WLS: variants seen among roughly 807,000 people sequenced by gnomAD.
The protein encoded by WLS is protein wntless homolog.
Under a neutral mutation model 62.8 loss-of-function variants are expected in WLS, and 23 were observed. The ratio of observed to expected loss-of-function variants is 0.37; its 90% CI spans 0.26 to 0.52. WLS has a LOEUF of 0.52. WLS is among the 20% of genes least tolerant of loss of function. WLS has a pLI of 0.92. For missense variants in WLS, 615 were observed against 697.3 expected (o/e 0.88, Z 1.33); for synonymous variants, 246 against 244.1 (o/e 1.01, Z -0.07).
intron 2 of WLS, 52 bp from the exon 3 acceptor site, chr1:68,159,299 A>T: frequency 6.3e-7 from 1 of 1,586,758 alleles, no homozygotes; most frequent in South Asian, 1.2e-5. Context: ...AAGATATTTT[A>T]GAAACAGCTC....
chr1:68,190,522 A>G (rs1648230117), intron 2 of WLS, among the ~76,000 whole-genome samples: 1 of 152,208 alleles, frequency 6.6e-6, no homozygotes, highest in African/African-American at 2.4e-5. Flanking sequence ...TTGGCTCACT[A>G]TCCCTGGGGG....
At chr1:68,198,167 A>G (rs1648781972) in intron 1 of WLS, among the ~76,000 whole-genome samples, 1 of 152,222 alleles carries the variant, frequency 6.6e-6, no homozygotes, top group African/African-American at 2.4e-5. Flanking sequence ...GCCAAAAACT[A>G]CTTCTACACC....
Position 68,153,064 on chromosome 1 carries a change from A to G in WLS, c.803+453T>C, listed in dbSNP as rs572075995. Among the ~76,000 whole-genome samples, 101 of 152,238 alleles carry G rather than the reference A, an allele frequency of 6.6e-4. 1 individual carries two copies. The highest frequency in any genetic ancestry group is 1.6e-3 in the Admixed American group (25 of 15,282). ...GAAGCTGAAGCGGGCAAATCACTTG[A>G]GCTCAGGATTTCGAGATCAGCCTGG... is the stretch of plus-strand genomic sequence containing the variant. On this transcript the variant is annotated intron_variant, in intron 5 of 11. Coordinates refer to ENST00000262348, the MANE Select transcript of WLS (RefSeq NM_024911.7).
chr1:68,198,914 G>A (rs1648833157), intron 1 of WLS, among the ~76,000 whole-genome samples: 1 of 152,178 alleles, frequency 6.6e-6, no homozygotes. Context: ...AATATTCATT[G>A]ACTCCAGTCA....
At chr1:68,184,755 T>C (rs1647809927) in intron 2 of WLS, among the ~76,000 whole-genome samples, 1 of 152,170 alleles carries the variant, frequency 6.6e-6, no homozygotes, top group Non-Finnish European at 1.5e-5. Context: ...AATCATAGAT[T>C]TCCACAGACA....
intron 1 of WLS, among the ~76,000 whole-genome samples, chr1:68,195,566 C>T (rs1648615919): frequency 6.6e-6 from 1 of 152,152 alleles, no homozygotes; most frequent in Non-Finnish European, 1.5e-5. Flanking sequence ...TCTCCTTCAT[C>T]AGTTTGTAAA....
Position 68,125,386 on chromosome 1 carries a change from T to G in WLS, c.*840A>C. On this transcript the variant is annotated 3_prime_UTR_variant, in exon 12 of 12. Transcript: ENST00000262348. ...GAGTTTTAGCAGGAGGGGATATGCA[T>G]GTACACATATGCATATACATACAGG... is the stretch of plus-strand genomic sequence containing the variant. 9 of 985,456 alleles carry G rather than the reference T, an allele frequency of 9.1e-6. No individual in the cohort carries two copies. Among genetic ancestry groups the G allele is most frequent in the Non-Finnish European group, 1.1e-5 (9 of 829,940 alleles). The allele number at this position is 985,456 out of a possible 1,614,324, so 61.0% of individuals were successfully genotyped here. A position where few individuals can be genotyped will look rare whatever the true frequency, so the allele number is the denominator to read the frequency against.
chr1:68,171,756 G>A lies in WLS; in HGVS notation c.380-12509C>T, dbSNP rs538238580. 2.0e-4 allele frequency among the ~76,000 whole-genome samples: 31 copies of A among 152,286 alleles called. No homozygotes were observed. In the South Asian group the frequency reaches 3.9e-3, roughly 19 times the overall value. ...CAACCATTGTGGAAGACAGTGTGGC[G>A]ATTCCTCAAGGATCTAGAACCAGAA... On this transcript the variant is annotated intron_variant, in intron 2 of 11. Transcript: ENST00000262348.
At chr1:68,112,894 C>T (rs1044754310) in intron 11 of WLS, among the ~76,000 whole-genome samples, 1 of 152,214 alleles carries the variant, frequency 6.6e-6, no homozygotes, top group Admixed American at 6.5e-5. Flanking sequence ...AACAAACAGA[C>T]AAACTGTTAA....
intron 11 of WLS, chr1:68,098,813 A>T: frequency 6.4e-7 from 1 of 1,571,516 alleles, no homozygotes; most frequent in Non-Finnish European, 8.7e-7. Flanking sequence ...AATATGTAAC[A>T]TGGAGTTTAG....
At chr1:68,203,742 A>G (rs1045069694) in intron 1 of WLS, among the ~76,000 whole-genome samples, 1 of 152,198 alleles carries the variant, frequency 6.6e-6, no homozygotes, top group African/African-American at 2.4e-5. Context: ...AGTGAGAGAC[A>G]GGAATTCAAG....
chr1:68,136,572 T>G (rs1470128336), intron 11 of WLS, among the ~76,000 whole-genome samples: 2 of 152,232 alleles, frequency 1.3e-5, no homozygotes, highest in African/African-American at 2.4e-5. Context: ...GGCATTAACA[T>G]GTATTGCAGT....
At chr1:68,193,085 G>T (rs1480358973) in intron 2 of WLS, among the ~76,000 whole-genome samples, 1 of 151,380 alleles carries the variant, frequency 6.6e-6, no homozygotes, top group Non-Finnish European at 1.5e-5. Context: ...CTCCAGCCTG[G>T]GCAACAAGAG....
intron 5 of WLS, 31 bp downstream of exon 5, chr1:68,153,486 T>C (rs1646854222): frequency 6.2e-6 from 10 of 1,613,348 alleles, no homozygotes; most frequent in Non-Finnish European, 8.5e-6. Context: ...AAGCCAGTAT[T>C]CCTGAAGAGC....
Position 68,152,161 on chromosome 1 carries a change from T to G in WLS, c.803+1356A>C, listed in dbSNP as rs138983261. 4.5e-3 allele frequency among the ~76,000 whole-genome samples: 689 copies of G among 152,262 alleles called. 5 individuals are homozygous for G. Among genetic ancestry groups the G allele is most frequent in the African/African-American group, 0.016 (649 of 41,540 alleles). Reference sequence around the variant, plus strand: ...ATCCTGGGAGGGAATAGGTTGGAAATGGGACACAATCAAGTGTTGTTCTTG... The same window carrying G: ...ATCCTGGGAGGGAATAGGTTGGAAAGGGGACACAATCAAGTGTTGTTCTTG... On this transcript the variant is annotated intron_variant, in intron 5 of 11. Transcript: ENST00000262348.
At chr1:68,135,540 C>T (rs1025244469) in intron 11 of WLS, among the ~76,000 whole-genome samples, 7 of 152,136 alleles carry the variant, frequency 4.6e-5, no homozygotes, top group East Asian at 3.9e-4. Context: ...GTTTTGCCAA[C>T]AGTCACACAG....
intron 1 of WLS, among the ~76,000 whole-genome samples, chr1:68,224,754 G>T (rs1312896914): frequency 6.6e-6 from 1 of 152,096 alleles, no homozygotes; most frequent in Non-Finnish European, 1.5e-5. Context: ...GTTTGGGGAA[G>T]GGGTGGAAGC....
chr1:68,111,884 C>T (rs1646233295), intron 11 of WLS, among the ~76,000 whole-genome samples: 1 of 152,186 alleles, frequency 6.6e-6, no homozygotes, highest in Admixed American at 6.5e-5. Context: ...GTACTATTAC[C>T]AACCATTTGC....
intron 1 of WLS, among the ~76,000 whole-genome samples, chr1:68,200,169 A>G (rs1167153106): frequency 1.3e-5 from 2 of 152,172 alleles, no homozygotes. Context: ...TTTTATGTTT[A>G]CAATAGAATT....
Sources: gnomAD v4.1 joint callset for allele counts (sites outside exome capture counted in the v4.1 genomes callset) on GRCh38, gnomAD v4.1.1 for gene constraint, MANE v1.5 for transcripts, NCBI Gene and HGNC (gene_info 2026-07-23, HGNC 2026-07-21) for gene names.